The following BRCA2 variants were observed in gnomAD, a reference collection of about 807,000 sequenced individuals.
BRCA2 encodes breast cancer type 2 susceptibility protein.
In BRCA2, 203 loss-of-function variants were observed where a neutral mutation model predicts 276.7. The ratio of observed to expected loss-of-function variants is 0.73; its 90% CI spans 0.65 to 0.82. BRCA2 has a LOEUF of 0.82. BRCA2 is among the 40% of genes least tolerant of loss of function. The pLI, the probability that BRCA2 is intolerant of heterozygous loss-of-function variation, is 0.00. For synonymous variants in BRCA2, 1,289 were observed against 1,338.4 expected (o/e 0.96, Z 0.81); for missense variants, 3,920 against 3,915.0 (o/e 1.00, Z -0.03).
rs767555621 is a variant in BRCA2 at position 32,356,537 on chromosome 13, A to G, written c.7545A>G (p.Thr2515=). ...PQPGSLYLAK[T]STLPRISLKA... ...CAGGCAGTCTGTATCTTGCAAAAAC[A>G]TCCACTCTGCCTCGAATCTCTCTGA... The change falls in exon 15 of 27, where the codon ACA becomes ACG. Residue 2515 remains threonine (T), a synonymous_variant. Transcript: ENST00000380152. The G allele has an allele frequency of 6.2e-7, 1 of 1,614,250 alleles. No homozygotes were observed. The highest frequency in any genetic ancestry group is 2.2e-5 in the East Asian group (1 of 44,892).
intron 24 of BRCA2, chr13:32,384,941 G>A (rs2072948540): frequency 2.9e-6 from 1 of 347,746 alleles, no homozygotes; most frequent in South Asian, 7.3e-5. Flanking sequence ...GATTTGAGAA[G>A]CCTGGTAACC....
At chr13:32,371,258 C>T (rs961548090) in intron 20 of BRCA2, among the ~76,000 whole-genome samples, 158 bp downstream of exon 20, 2 of 151,884 alleles carry the variant, frequency 1.3e-5, no homozygotes, top group Non-Finnish European at 2.9e-5. Context: ...TGGTGTTAGA[C>T]AAAGAATAGC....
At chr13:32,396,696 C>T (rs1054596786) in intron 25 of BRCA2, 2 of 612,230 alleles carry the variant, frequency 3.3e-6, no homozygotes, top group Admixed American at 5.5e-5. Flanking sequence ...GTTCCCCTCT[C>T]CCTATCAGCT....
intron 16 of BRCA2, among the ~76,000 whole-genome samples, chr13:32,361,094 C>G (rs2072735016): frequency 1.3e-5 from 2 of 152,064 alleles, no homozygotes; most frequent in Admixed American, 1.3e-4. Flanking sequence ...AAAGTATAGG[C>G]CAAATAAATC....
chr13:32,350,489 C>T (rs2072640784), intron 13 of BRCA2, among the ~76,000 whole-genome samples: 1 of 152,094 alleles, frequency 6.6e-6, no homozygotes, highest in African/African-American at 2.4e-5. Flanking sequence ...GTGGTTCACG[C>T]CTGTAATCCC....
In BRCA2 at chr13:32,356,416, A is replaced by T. The variant is rs2137561595; in HGVS notation, c.7436-12A>T. The T allele has an allele frequency of 6.2e-7, 1 of 1,610,150 alleles. No individual in the cohort carries two copies. The highest frequency in any genetic ancestry group is 2.2e-5 in the East Asian group (1 of 44,874). On this transcript the variant is annotated splice_polypyrimidine_tract_variant and intron_variant, in intron 14 of 26. Transcript: ENST00000380152. ...TCAATTTTATTTTTGCTAAGTATTT[A>T]TTCTTTGATAGATTTAATTACAAGT...
chr13:32,362,363 T>C (rs1178974580), intron 16 of BRCA2, among the ~76,000 whole-genome samples, 160 bp from the exon 17 acceptor site: 1 of 152,214 alleles, frequency 6.6e-6, no homozygotes, highest in Non-Finnish European at 1.5e-5. Flanking sequence ...CTTTGATACA[T>C]GTCAAATAAT....
At chr13:32,317,991 T>C (rs548544096) in intron 2 of BRCA2, among the ~76,000 whole-genome samples, 1 of 152,366 alleles carries the variant, frequency 6.6e-6, no homozygotes, top group East Asian at 1.9e-4. Context: ...TGTCAGAGAT[T>C]ATTAAAAGAA....
Position 32,370,941 on chromosome 13 carries a change from A to T in BRCA2, c.8488-15A>T, listed in dbSNP as rs775192142. 1 of 1,613,982 alleles carries T rather than the reference A, an allele frequency of 6.2e-7. No individual in the cohort carries two copies. Among genetic ancestry groups the T allele is most frequent in the South Asian group, 1.1e-5 (1 of 91,078 alleles). The stretch of plus-strand genomic sequence containing the variant: ...TATATGTGACTTTTTTGGTGTGTGT[A>T]ACACATTATTACAGTGGATGGAGAA... On this transcript the variant is annotated splice_polypyrimidine_tract_variant and intron_variant, in intron 19 of 26. Transcript: ENST00000380152.
At chr13:32,334,343 A>G (rs1566225074) in intron 10 of BRCA2, among the ~76,000 whole-genome samples, 1 of 152,144 alleles carries the variant, frequency 6.6e-6, no homozygotes, top group Non-Finnish European at 1.5e-5. Flanking sequence ...ACTCATATAA[A>G]TATGTGGTGC....
Position 32,339,680 on chromosome 13 carries a change from A to G in BRCA2, c.5325A>G (p.Val1775=), listed in dbSNP as rs766659380. 8 of 1,612,576 alleles carry G rather than the reference A, an allele frequency of 5.0e-6. No individual in the cohort carries two copies. Among genetic ancestry groups the G allele is most frequent in the Non-Finnish European group, 3.4e-6 (4 of 1,178,712 alleles). The stretch of plus-strand genomic sequence containing the variant: ...AACTTGATTCTGGTATTGAGCCAGT[A>G]TTGAAGAATGTTGAAGATCAAAAAA... ...KNKLDSGIEP[V]LKNVEDQKNT... The change falls in exon 11 of 27, where the codon GTA becomes GTG. Residue 1775 remains valine (V), a synonymous_variant. Transcript: ENST00000380152.
rs746057464 is a variant in BRCA2, at chr13:32,356,454, A to G, written c.7462A>G (p.Arg2488Gly). Residue 2488 changes from arginine to glycine, a missense_variant, in exon 15 of 27, where the codon AGA (arginine) becomes GGA (glycine). Transcript: ENST00000380152. ...LDLITSLQNA[R>G]DIQDMRIKKK... ...TTTAATTACAAGTCTTCAGAATGCC[A>G]GAGATATACAGGATATGCGAATTAA... The G allele has an allele frequency of 1.9e-6, 3 of 1,613,886 alleles. No homozygotes were observed. The highest frequency in any genetic ancestry group is 1.1e-5 in the South Asian group (1 of 91,082).
intron 13 of BRCA2, among the ~76,000 whole-genome samples, chr13:32,353,947 T>G (rs2072669596): frequency 6.6e-6 from 1 of 152,150 alleles, no homozygotes; most frequent in Non-Finnish European, 1.5e-5. Context: ...AAATCGGGCA[T>G]GAGGATAAAG....
rs2072700826 is a variant in BRCA2 at position 32,356,669 on chromosome 13, A to G, written c.7617+60A>G. On this transcript the variant is annotated intron_variant, in intron 15 of 26. Transcript: ENST00000380152. Reference sequence around the variant, plus strand: ...GACAGAGTGTAATTTTATTTCATTAACTAGTATCTACAAATGGCTTTGTTT... The same window carrying G: ...GACAGAGTGTAATTTTATTTCATTAGCTAGTATCTACAAATGGCTTTGTTT... 9 of 1,542,624 alleles carry G rather than the reference A, an allele frequency of 5.8e-6. No individual in the cohort carries two copies. The African/African-American group carries it at 9.5e-5, about 16-fold the overall frequency.
intron 24 of BRCA2, among the ~76,000 whole-genome samples, chr13:32,388,859 C>T (rs1424110854): frequency 6.6e-6 from 1 of 152,134 alleles, no homozygotes; most frequent in African/African-American, 2.4e-5. Context: ...CTCTTTCAAT[C>T]TCTGTCCATT....
intron 16 of BRCA2, among the ~76,000 whole-genome samples, chr13:32,362,221 G>A (rs964341237): frequency 4.0e-5 from 6 of 151,856 alleles, no homozygotes; most frequent in Admixed American, 3.9e-4. Context: ...GAGATGTGGG[G>A]GTCTCACTAT....
intron 18 of BRCA2, among the ~76,000 whole-genome samples, chr13:32,365,468 C>T (rs2072775029): frequency 6.6e-6 from 1 of 152,108 alleles, no homozygotes; most frequent in Non-Finnish European, 1.5e-5. Flanking sequence ...GCAACCTCCG[C>T]CTCTCGGGTT....
intron 8 of BRCA2, 104 bp downstream of exon 8, chr13:32,329,596 A>G: frequency 1.1e-6 from 1 of 951,796 alleles, no homozygotes; most frequent in Non-Finnish European, 1.6e-6. Context: ...TCTGTAATTT[A>G]TCTAAGCCTT....
intron 7 of BRCA2, 109 bp from the exon 8 acceptor site, chr13:32,329,334 C>A: frequency 1.4e-6 from 1 of 734,818 alleles, no homozygotes; most frequent in Non-Finnish European, 2.3e-6. Context: ...CATTTTGTTT[C>A]AAATGTGTCA....
Sources: allele counts gnomAD v4.1 joint callset (sites outside exome capture counted in the v4.1 genomes callset), GRCh38; gene constraint gnomAD v4.1.1; transcripts MANE v1.5; gene names NCBI Gene and HGNC (gene_info 2026-07-23, HGNC 2026-07-21).